Variants in TUSC3 observed in about 807,000 individuals in gnomAD.
TUSC3 encodes tumor suppressor candidate 3.
A neutral mutation model predicts 44.8 loss-of-function variants in TUSC3; 45 were observed. The ratio of observed to expected loss-of-function variants is 1.00; its 90% CI spans 0.79 to 1.29. The LOEUF is 1.29. TUSC3 is among the 50% of genes most tolerant of loss of function. The pLI, the probability that TUSC3 is intolerant of heterozygous loss-of-function variation, is 0.00. For missense variants in TUSC3, 519 were observed against 437.9 expected (o/e 1.19, Z -1.65); for synonymous variants, 212 against 152.9 (o/e 1.39, Z -2.85).
At chr8:15,446,897 A>T (rs1460725269) in intron 1 of TUSC3, among the ~76,000 whole-genome samples, 1 of 41,610 alleles carries the variant, frequency 2.4e-5, no homozygotes, top group Admixed American at 3.3e-4. Flanking sequence ...TGAGTAGGTA[A>T]CAGAAAAAAA....
chr8:15,822,231 T>C, the TUSC3 span, among the ~76,000 whole-genome samples: 1 of 152,126 alleles, frequency 6.6e-6, no homozygotes, highest in African/African-American at 2.4e-5. Flanking sequence ...CATGTAATGG[T>C]TGAAATGCTT....
At chr8:15,491,946 G>T (rs372789019) in intron 2 of TUSC3, among the ~76,000 whole-genome samples, 1 of 151,906 alleles carries the variant, frequency 6.6e-6, no homozygotes, top group Non-Finnish European at 1.5e-5. Flanking sequence ...ACTCTTTACC[G>T]TGGCTACTTC....
chr8:15,538,687 G>A (rs116721636), upstream of TUSC3, among the ~76,000 whole-genome samples: 948 of 152,094 alleles, frequency 6.2e-3, 11 homozygotes, highest in African/African-American at 0.022. Flanking sequence ...CAACAGTTTC[G>A]TTTCTTTGAA....
At chr8:15,425,092 T>C (rs182866701) in intron 1 of TUSC3, among the ~76,000 whole-genome samples, 5 of 152,150 alleles carry the variant, frequency 3.3e-5, no homozygotes, top group Non-Finnish European at 5.9e-5. Context: ...CTCTTTAGGA[T>C]TGAGTAAGCT....
chr8:15,770,818 C>T (rs1393740398), downstream of TUSC3, among the ~76,000 whole-genome samples: 2 of 151,800 alleles, frequency 1.3e-5, no homozygotes, highest in Admixed American at 6.6e-5. Flanking sequence ...AATACGAGTC[C>T]CAGAAGAGAG....
the TUSC3 span, among the ~76,000 whole-genome samples, chr8:15,841,325 A>G: frequency 6.6e-6 from 1 of 152,158 alleles, no homozygotes; most frequent in Non-Finnish European, 1.5e-5. Flanking sequence ...AATACATTTC[A>G]TGGAAATATG....
intron 10 of TUSC3, among the ~76,000 whole-genome samples, chr8:15,762,502 G>C (rs1014460433): frequency 6.6e-6 from 1 of 151,970 alleles, no homozygotes; most frequent in East Asian, 1.9e-4. Flanking sequence ...AAGTTAGAAG[G>C]TATAAAATTA....
At chr8:15,775,235 A>C in the TUSC3 span, among the ~76,000 whole-genome samples, 1 of 152,122 alleles carries the variant, frequency 6.6e-6, no homozygotes, top group Non-Finnish European at 1.5e-5. Context: ...CATTCCTTTT[A>C]TATGAAATGC....
rs115335515 is a variant in TUSC3, at chr8:15,605,614, A to T, written c.139-17466A>T. On this transcript the variant is annotated intron_variant, in intron 1 of 10. Transcript: ENST00000503731. ...CTGCATTGCCTTACAAATACCAAAA[A>T]AAATGGAGAAAAAAGTCTGTCAAGA... Among the ~76,000 whole-genome samples the T allele has an allele frequency of 4.4e-3, 664 of 152,076 alleles. 6 individuals carry two copies. The highest frequency in any genetic ancestry group is 0.015 in the African/African-American group (641 of 41,530).
the TUSC3 span, among the ~76,000 whole-genome samples, chr8:15,828,809 C>A: frequency 6.6e-6 from 1 of 152,078 alleles, no homozygotes; most frequent in African/African-American, 2.4e-5. Flanking sequence ...CTCTCTAAGG[C>A]TGAAAACAGT....
chr8:15,688,625 T>C (rs1808745334), intron 6 of TUSC3, among the ~76,000 whole-genome samples: 1 of 152,140 alleles, frequency 6.6e-6, no homozygotes, highest in Admixed American at 6.5e-5. Flanking sequence ...CTTTGGTCTT[T>C]TGTTTTTGTT....
chr8:15,647,340 TTA>T (rs1447363384), intron 2 of TUSC3, among the ~76,000 whole-genome samples: 1 of 152,194 alleles, frequency 6.6e-6, no homozygotes, highest in Non-Finnish European at 1.5e-5. Context: ...TTCATCAAAA[TTA>T]TGATACATTT....
chr8:15,758,765 GTGGTTA>G (rs2129223542), intron 10 of TUSC3, among the ~76,000 whole-genome samples: 1 of 152,162 alleles, frequency 6.6e-6, no homozygotes, highest in African/African-American at 2.4e-5. Context: ...ATTGTTAAAT[GTGGTTA>G]ACACTTTACA....
At chr8:15,833,194 A>T in the TUSC3 span, among the ~76,000 whole-genome samples, 1 of 152,178 alleles carries the variant, frequency 6.6e-6, no homozygotes, top group African/African-American at 2.4e-5. Flanking sequence ...GCTCTTGCTA[A>T]AAAGTCAAAA....
At chr8:15,624,060 G>A (rs912360862) in intron 2 of TUSC3, among the ~76,000 whole-genome samples, 2 of 152,054 alleles carry the variant, frequency 1.3e-5, no homozygotes, top group Admixed American at 6.6e-5. Flanking sequence ...TAGGTAAATG[G>A]AATTGTATGG....
At chr8:15,449,270 G>C (rs1463762654) in intron 1 of TUSC3, among the ~76,000 whole-genome samples, 2 of 152,082 alleles carry the variant, frequency 1.3e-5, no homozygotes, top group South Asian at 2.1e-4. Context: ...AAGAAGGAAT[G>C]GGCACATGTG....
At chr8:15,418,777 A>C (rs972200457) in intron 1 of TUSC3, among the ~76,000 whole-genome samples, 1 of 152,180 alleles carries the variant, frequency 6.6e-6, no homozygotes, top group African/African-American at 2.4e-5. Flanking sequence ...AGGCCAAGGC[A>C]GGAGGATTGC....
chr8:15,486,333 G>A (rs1481211756), intron 2 of TUSC3, among the ~76,000 whole-genome samples: 1 of 152,134 alleles, frequency 6.6e-6, no homozygotes, highest in Non-Finnish European at 1.5e-5. Flanking sequence ...TTAAAATGTG[G>A]TAACTGAAAT....
chr8:15,804,072 G>A, the TUSC3 span, among the ~76,000 whole-genome samples: 1 of 152,100 alleles, frequency 6.6e-6, no homozygotes, highest in Non-Finnish European at 1.5e-5. Context: ...TTCAGTAACG[G>A]GATTGCTGGG....
Sources: gnomAD v4.1 joint callset for allele counts (sites outside exome capture counted in the v4.1 genomes callset) on GRCh38, gnomAD v4.1.1 for gene constraint, MANE v1.5 for transcripts, NCBI Gene and HGNC (gene_info 2026-07-23, HGNC 2026-07-21) for gene names.